Variants in SCARB1 observed in about 807,000 individuals in gnomAD.
The protein encoded by SCARB1 is CD36 and LIMPII analogous 1.
SCARB1 carries 30 observed loss-of-function variants against 57.2 expected under a neutral mutation model. That is an observed-to-expected ratio of 0.52 (90% CI 0.39 to 0.71). The LOEUF (loss-of-function observed/expected upper bound fraction) is 0.71, where lower values mean the gene tolerates loss of function less well. Ranked by LOEUF, SCARB1 falls within the 30% of genes least tolerant of loss-of-function variation. The probability of loss-of-function intolerance (pLI) is 0.00; values close to 1 mark genes in which losing one functional copy is unlikely to be tolerated. For missense variants in SCARB1, 543 were observed against 671.2 expected (o/e 0.81, Z 2.11); for synonymous variants, 249 against 268.3 (o/e 0.93, Z 0.70).
In SCARB1 at chr12:124,777,496, G is replaced by GC. The variant is rs1872599416; in HGVS notation, c.*1090dup. ...AAAACAACAGGAAGGTAAGCCAGCA[G>GC]CCCGGCCCTGGGAGAGACGCTCTTG... On this transcript the variant is annotated 3_prime_UTR_variant, in exon 13 of 13. Coordinates refer to ENST00000261693, the MANE Select transcript of SCARB1 (RefSeq NM_005505.5). 1 of 152,158 alleles carries GC rather than the reference G, an allele frequency of 6.6e-6. No individual in the cohort carries two copies. The highest frequency in any genetic ancestry group is 2.4e-5 in the African/African-American group (1 of 41,434). The allele number at this position is 152,158 out of a possible 1,614,324, so 9.4% of individuals were successfully genotyped here.
chr12:124,836,944 C>CAT (rs77304517), intron 1 of SCARB1, among the ~76,000 whole-genome samples: 42,627 of 152,076 alleles, frequency 0.28, 6,464 homozygotes, highest in East Asian at 0.42. Context: ...TTGGGTCTGA[C>CAT]CAAAGGCTGG....
intron 1 of SCARB1, among the ~76,000 whole-genome samples, chr12:124,834,643 C>T (rs1233324605): frequency 6.6e-6 from 1 of 152,236 alleles, no homozygotes; most frequent in East Asian, 1.9e-4. Flanking sequence ...CGTGGTGGCT[C>T]ACGCCTGTAA....
chr12:124,781,332 A>T (rs1049130017), intron 12 of SCARB1, among the ~76,000 whole-genome samples: 1 of 152,220 alleles, frequency 6.6e-6, no homozygotes, highest in African/African-American at 2.4e-5. Flanking sequence ...GCTCCCTGGA[A>T]AGCTATTTTC....
intron 9 of SCARB1, among the ~76,000 whole-genome samples, chr12:124,790,984 T>G (rs75491806): frequency 0.01 from 1,526 of 152,360 alleles, 18 homozygotes; most frequent in South Asian, 0.048. Context: ...TGGTTTATAC[T>G]GACCACCAGC....
chr12:124,815,041 G>A lies in SCARB1; in HGVS notation c.358C>T (p.Gln120Ter), dbSNP rs1271721622. Residue 120 changes from glutamine to a stop codon, truncating the protein, a stop_gained, in exon 3 of 13, where the codon CAG (glutamine) becomes TAG (stop). Coordinates refer to ENST00000261693, the MANE Select transcript of SCARB1 (RefSeq NM_005505.5). LOFTEE classifies it high-confidence loss of function. ...TVSFLEYRTF[Q>*]FQPSKSHGSE... ...CCGTGGGACTTGGAGGGCTGGAACTGGAAGGTGCGGTACTCGAGGAAGGAC... is the reference window on the plus strand; with the variant it reads ...CCGTGGGACTTGGAGGGCTGGAACTAGAAGGTGCGGTACTCGAGGAAGGAC... 6.2e-7 allele frequency: 1 copy of A among 1,614,118 alleles called. No individual in the cohort carries two copies. The highest frequency in any genetic ancestry group is 1.1e-5 in the South Asian group (1 of 91,090).
intron 1 of SCARB1, among the ~76,000 whole-genome samples, chr12:124,852,249 C>T (rs34840796): frequency 0.072 from 10,992 of 152,250 alleles, 595 homozygotes; most frequent in Non-Finnish European, 0.098. Flanking sequence ...CAATCAAAAG[C>T]CACCAAAGCT....
Position 124,796,698 on chromosome 12 carries a change from T to C in SCARB1, c.1129-1430A>G, listed in dbSNP as rs1183828140. The stretch of plus-strand genomic sequence containing the variant: ...TACACTATAGGGAAAGGATGTTTTC[T>C]TCATTATGGCCCAGCATGCTGAGGA... On this transcript the variant is annotated intron_variant, in intron 8 of 12. Coordinates refer to ENST00000261693, the MANE Select transcript of SCARB1 (RefSeq NM_005505.5). This position sits in a 1 kb window ranked among gnomAD's most constrained non-coding sequence, Gnocchi z 4.0. 1.3e-5 allele frequency among the ~76,000 whole-genome samples: 2 copies of C among 152,218 alleles called. No homozygotes were observed. The highest frequency in any genetic ancestry group is 4.8e-5 in the African/African-American group (2 of 41,450).
At chr12:124,830,706 C>T (rs1428447934) in intron 1 of SCARB1, among the ~76,000 whole-genome samples, 1 of 152,172 alleles carries the variant, frequency 6.6e-6, no homozygotes, top group African/African-American at 2.4e-5. Context: ...GGGGTCATTA[C>T]AAGCGTGCAT....
At chr12:124,804,001 C>T (rs753259330) in intron 7 of SCARB1, among the ~76,000 whole-genome samples, 17 of 152,238 alleles carry the variant, frequency 1.1e-4, no homozygotes, top group Admixed American at 5.2e-4. Context: ...CCTCGTCCCA[C>T]GCCCTTGGAG....
chr12:124,843,105 G>A (rs1951973252), intron 1 of SCARB1, among the ~76,000 whole-genome samples: 1 of 152,198 alleles, frequency 6.6e-6, no homozygotes, highest in African/African-American at 2.4e-5. Flanking sequence ...CCAGAAGGCT[G>A]ACTCTTTTTC....
At chr12:124,801,113 C>G (rs1279853313) in intron 7 of SCARB1, among the ~76,000 whole-genome samples, 1 of 152,052 alleles carries the variant, frequency 6.6e-6, no homozygotes, top group East Asian at 1.9e-4. Flanking sequence ...GCAGGAAAAT[C>G]GCTTGAGCCT....
chr12:124,828,380 T>C (rs1229028865), intron 1 of SCARB1, among the ~76,000 whole-genome samples: 2 of 152,010 alleles, frequency 1.3e-5, no homozygotes, highest in Non-Finnish European at 2.9e-5. Context: ...TCTGACCTCA[T>C]TGGGATTGCA....
At chr12:124,832,253 C>G (rs1951426777) in intron 1 of SCARB1, among the ~76,000 whole-genome samples, 3 of 152,178 alleles carry the variant, frequency 2.0e-5, no homozygotes, top group Admixed American at 2.0e-4. Flanking sequence ...CGCGGTGGCT[C>G]ACACCTGTGG....
intron 1 of SCARB1, among the ~76,000 whole-genome samples, chr12:124,826,150 T>C (rs897967998): frequency 2.0e-5 from 3 of 151,746 alleles, no homozygotes; most frequent in African/African-American, 4.8e-5. Flanking sequence ...CTGGGCAACA[T>C]AGGGAGCCCA....
At chr12:124,837,908 AT>A (rs1951756643) in intron 1 of SCARB1, among the ~76,000 whole-genome samples, 1 of 152,208 alleles carries the variant, frequency 6.6e-6, no homozygotes, top group Non-Finnish European at 1.5e-5. Context: ...TCTCCAAAAA[AT>A]ATGTTAAAAA....
chr12:124,807,318 G>T lies in SCARB1; in HGVS notation c.1009+443C>A, dbSNP rs1331884827. Among the ~76,000 whole-genome samples the T allele has an allele frequency of 6.6e-6, 1 of 152,156 alleles. No individual in the cohort carries two copies. Among genetic ancestry groups the T allele is most frequent in the Non-Finnish European group, 1.5e-5 (1 of 68,026 alleles). On this transcript the variant is annotated intron_variant, in intron 7 of 12. Transcript: ENST00000261693. This position sits in a 1 kb window ranked among gnomAD's most constrained non-coding sequence, Gnocchi z 5.3. ...GGGCAGAAGAGGGAGGAGAGGAAGA[G>T]ATATGAGGACAGAGTGGATCAGAAG...
At chr12:124,846,968 C>T (rs1198189056) in intron 1 of SCARB1, among the ~76,000 whole-genome samples, 1 of 152,070 alleles carries the variant, frequency 6.6e-6, no homozygotes, top group Non-Finnish European at 1.5e-5. Flanking sequence ...AAACTAATCC[C>T]GGTGTTTAGG....
intron 10 of SCARB1, among the ~76,000 whole-genome samples, chr12:124,786,773 C>A (rs1949539605): frequency 6.6e-6 from 1 of 152,242 alleles, no homozygotes; most frequent in Non-Finnish European, 1.5e-5. Context: ...GACTCTCCAT[C>A]TCGTTCCCTG....
chr12:124,821,491 C>T lies in SCARB1; in HGVS notation c.127-3784G>A, dbSNP rs1035312696. 5 of 985,116 alleles carry T rather than the reference C, an allele frequency of 5.1e-6. No individual in the cohort carries two copies. The African/African-American group carries it at 7.0e-5, about 14-fold the overall frequency. 61.0% of individuals were successfully genotyped at this position (985,116 alleles called of 1,614,324 possible). ...TCCATGTCTCAATCTCTCTCTCTCT[C>T]TCTCTCTCCCCAAAGAAGAGGCTTT... On this transcript the variant is annotated intron_variant, in intron 1 of 12. Coordinates refer to ENST00000261693, the MANE Select transcript of SCARB1 (RefSeq NM_005505.5).
Sources: gnomAD v4.1 joint callset for allele counts (sites outside exome capture counted in the v4.1 genomes callset) on GRCh38, gnomAD v4.1.1 for gene constraint, Gnocchi (gnomAD v3.1) non-coding constraint, MANE v1.5 for transcripts, NCBI Gene and HGNC (gene_info 2026-07-23, HGNC 2026-07-21) for gene names.